The following CCDC178 variants were observed in gnomAD, a reference collection of about 807,000 sequenced individuals.
CCDC178 encodes coiled-coil domain-containing protein 178.
In CCDC178, 126 loss-of-function variants were observed where a neutral mutation model predicts 117.4. That is an observed-to-expected ratio of 1.07 (90% CI 0.93 to 1.24). CCDC178 has a LOEUF of 1.24. Ranked by LOEUF, CCDC178 falls within the 50% of genes most tolerant of loss-of-function variation. The pLI, the probability that CCDC178 is intolerant of heterozygous loss-of-function variation, is 0.00. For missense variants in CCDC178, 1,030 were observed against 986.9 expected, an observed-to-expected ratio of 1.04 and a Z score of -0.59; for synonymous variants, 283 against 313.4, an observed-to-expected ratio of 0.90 and a Z score of 1.02.
intron 20 of CCDC178, among the ~76,000 whole-genome samples, chr18:33,207,521 A>G (rs1470625478): frequency 6.6e-6 from 1 of 150,710 alleles, no homozygotes; most frequent in Non-Finnish European, 1.5e-5. Flanking sequence ...TTCATTTTCC[A>G]GTGGGAATGG....
intron 12 of CCDC178, among the ~76,000 whole-genome samples, chr18:33,271,301 C>T (rs1051551762): frequency 1.3e-4 from 20 of 151,164 alleles, no homozygotes; most frequent in Admixed American, 4.6e-4. Context: ...TAGAGATTGA[C>T]GGAATGAGTT....
chr18:33,046,619 T>G (rs2056647703), intron 21 of CCDC178, among the ~76,000 whole-genome samples: 1 of 152,174 alleles, frequency 6.6e-6, no homozygotes, highest in Non-Finnish European at 1.5e-5. Context: ...ATTATCAATT[T>G]TATGATAATG....
At chr18:33,324,785 G>C (rs899487319) in intron 10 of CCDC178, among the ~76,000 whole-genome samples, 4 of 151,620 alleles carry the variant, frequency 2.6e-5, no homozygotes, top group Non-Finnish European at 4.4e-5. Context: ...TTTCATAATT[G>C]TAGTCTTAAA....
chr18:33,217,559 G>A (rs1281126232), intron 18 of CCDC178, among the ~76,000 whole-genome samples: 1 of 150,786 alleles, frequency 6.6e-6, no homozygotes, highest in Non-Finnish European at 1.5e-5. Context: ...TCATTTATTG[G>A]TAATGTCAAA....
intron 22 of CCDC178, among the ~76,000 whole-genome samples, chr18:32,969,652 T>C (rs2144682033): frequency 6.6e-6 from 1 of 152,170 alleles, no homozygotes. Context: ...ATTGCTGCTC[T>C]CTAGTGTGTC....
At chr18:32,988,112 TAATAATAA>T (rs1321454731) in intron 21 of CCDC178, among the ~76,000 whole-genome samples, 3 of 128,224 alleles carry the variant, frequency 2.3e-5, no homozygotes, top group Admixed American at 1.6e-4. Flanking sequence ...ATAATAATAA[TAATAATAA>T]ATTTATCAAA....
At chr18:33,232,652 A>G (rs1003524855) in intron 15 of CCDC178, among the ~76,000 whole-genome samples, 2 of 152,344 alleles carry the variant, frequency 1.3e-5, no homozygotes, top group African/African-American at 4.8e-5. Flanking sequence ...ATCTGAAAAT[A>G]GGACATGACA....
At chr18:33,344,182 T>C (rs2144669817) in intron 9 of CCDC178, among the ~76,000 whole-genome samples, 1 of 150,744 alleles carries the variant, frequency 6.6e-6, no homozygotes, top group African/African-American at 2.4e-5. Context: ...CGGGCGCCTG[T>C]AGTCCCAGCT....
At position 33,237,044 on chromosome 18, in the gene CCDC178, C is replaced by T. The variant is rs150617711; in HGVS notation, c.1593+8201G>A. Among the ~76,000 whole-genome samples the T allele has an allele frequency of 2.9e-3, 441 of 152,282 alleles. 2 individuals carry two copies. The highest frequency in any genetic ancestry group is 4.9e-3 in the Non-Finnish European group (335 of 68,032). On this transcript the variant is annotated intron_variant, in intron 15 of 22. Transcript: ENST00000383096. ...TTAGAGGAACAACTTATGCACTCCC[C>T]CAACTCCCACCCACCTCCTGTGAGC...
chr18:33,025,268 T>C (rs2144841803), intron 21 of CCDC178, among the ~76,000 whole-genome samples: 1 of 152,250 alleles, frequency 6.6e-6, no homozygotes, highest in Non-Finnish European at 1.5e-5. Flanking sequence ...TTAAAATGGA[T>C]CACTTATTAA....
Position 33,092,865 on chromosome 18 carries a change from CT to C in CCDC178, c.2283del (p.Glu762SerfsTer10). On this transcript the variant is annotated frameshift_variant, in exon 21 of 23. Coordinates refer to ENST00000383096, the MANE Select transcript of CCDC178 (RefSeq NM_001105528.4). LOFTEE classifies it high-confidence loss of function. Reference sequence around the variant, plus strand: ...AATGTAATCTGTAGCTGTTGATACTCTTGAGCTAAACGCAGATTTTCTTCAA... The same window carrying C: ...AATGTAATCTGTAGCTGTTGATACTCTGAGCTAAACGCAGATTTTCTTCAA... ...DSLEENLRLAQEYQQLQITFL... is the reference protein window; with the variant it reads ...DSLEENLRLAXEYQQLQITFL... 6.3e-7 allele frequency: 1 copy of C among 1,577,416 alleles called. No homozygotes were observed. Among genetic ancestry groups the C allele is most frequent in the Non-Finnish European group, 8.6e-7 (1 of 1,163,718 alleles).
Position 33,087,510 on chromosome 18 carries a change from A to AGT in CCDC178, c.2388+5249_2388+5250dup, listed in dbSNP as rs761523932. On this transcript the variant is annotated intron_variant, in intron 21 of 22. Transcript: ENST00000383096. The stretch of plus-strand genomic sequence containing the variant: ...AAAGTGTGATAATGCCTTTAGAACA[A>AGT]GTGTGTGTGTGTGTATGTGTGTGTG... Among the ~76,000 whole-genome samples the AGT allele has an allele frequency of 1.8e-3, 269 of 148,922 alleles. 3 individuals are homozygous for AGT. The highest frequency in any genetic ancestry group is 3.1e-3 in the Admixed American group (47 of 14,958).
intron 20 of CCDC178, among the ~76,000 whole-genome samples, chr18:33,161,809 A>G (rs1235905073): frequency 6.6e-6 from 1 of 152,106 alleles, no homozygotes; most frequent in East Asian, 1.9e-4. Context: ...TTCTTAATCT[A>G]GTCTATCATT....
intron 10 of CCDC178, among the ~76,000 whole-genome samples, chr18:33,325,448 T>G (rs1035775468): frequency 1.3e-5 from 2 of 152,028 alleles, no homozygotes; most frequent in Non-Finnish European, 2.9e-5. Context: ...AAATATGTAT[T>G]TATTGGTAAC....
rs1403436297 is a variant in CCDC178 at position 33,117,651 on chromosome 18, A to T, written c.2239-24741T>A. On this transcript the variant is annotated intron_variant, in intron 20 of 22. Transcript: ENST00000383096. ...ATGAGTTAATGGGTGCAGCACACCA[A>T]CATGGCACATGTATACATATGTAAC... Among the ~76,000 whole-genome samples the T allele has an allele frequency of 2.6e-5, 4 of 152,008 alleles. No individual in the cohort carries two copies. The East Asian group carries it at 7.8e-4, about 30-fold the overall frequency.
At chr18:33,080,825 C>T (rs1271329697) in intron 21 of CCDC178, among the ~76,000 whole-genome samples, 1 of 152,090 alleles carries the variant, frequency 6.6e-6, no homozygotes, top group Admixed American at 6.5e-5. Context: ...CAATGATTTA[C>T]ACTGGTTGTA....
chr18:33,160,088 T>C (rs1335814327), intron 20 of CCDC178, among the ~76,000 whole-genome samples: 6 of 152,222 alleles, frequency 3.9e-5, no homozygotes, highest in Admixed American at 3.9e-4. Context: ...GAGGAAAGCA[T>C]TGGAATATGG....
At chr18:33,191,389 T>C (rs2058856334) in intron 20 of CCDC178, among the ~76,000 whole-genome samples, 1 of 152,174 alleles carries the variant, frequency 6.6e-6, no homozygotes, top group Non-Finnish European at 1.5e-5. Context: ...CCATATATTT[T>C]ATAAGAAGTC....
At chr18:33,109,025 C>G (rs1030378433) in intron 20 of CCDC178, among the ~76,000 whole-genome samples, 1 of 151,530 alleles carries the variant, frequency 6.6e-6, no homozygotes, top group African/African-American at 2.4e-5. Flanking sequence ...TGTAATGGCA[C>G]AGTCATATGG....
Sources: gnomAD v4.1 joint callset for allele counts (sites outside exome capture counted in the v4.1 genomes callset) on GRCh38, gnomAD v4.1.1 for gene constraint, MANE v1.5 for transcripts, NCBI Gene and HGNC (gene_info 2026-07-23, HGNC 2026-07-21) for gene names.